The following TMEM132C variants were observed in gnomAD, a reference collection of about 807,000 sequenced individuals.
TMEM132C encodes protein phosphatase 1, regulatory subunit 152.
A neutral mutation model predicts 61.4 loss-of-function variants in TMEM132C; 29 were observed. The ratio of observed to expected loss-of-function variants is 0.47; its 90% CI spans 0.35 to 0.64. The LOEUF (loss-of-function observed/expected upper bound fraction) is 0.64. Ranked by LOEUF, TMEM132C falls within the 30% of genes least tolerant of loss-of-function variation. TMEM132C has a pLI of 0.00. For synonymous variants in TMEM132C, 656 were observed against 633.1 expected (o/e 1.04, Z -0.54); for missense variants, 1,408 against 1,476.9 (o/e 0.95, Z 0.76).
At chr12:128,589,877 T>G (rs956440916) in intron 3 of TMEM132C, among the ~76,000 whole-genome samples, 1 of 152,192 alleles carries the variant, frequency 6.6e-6, no homozygotes, top group African/African-American at 2.4e-5. Flanking sequence ...GGGGTTATTA[T>G]GAGTACTAAA....
chr12:128,585,111 G>A (rs982653367), intron 3 of TMEM132C, among the ~76,000 whole-genome samples: 4 of 152,204 alleles, frequency 2.6e-5, no homozygotes, highest in East Asian at 1.9e-4. Context: ...ACTTGCAGCC[G>A]TGAAACGTCT....
rs533256890 is a variant in TMEM132C, at chr12:128,486,722, C to T, written c.975-57235C>T. Among the ~76,000 whole-genome samples, 4 of 152,244 alleles carry T rather than the reference C, an allele frequency of 2.6e-5. No individual in the cohort carries two copies. In the East Asian group the frequency reaches 7.7e-4, roughly 29 times the overall value. On this transcript the variant is annotated intron_variant, in intron 2 of 8. Transcript: ENST00000435159. ...GATTTTGACAGGCATAGCCTCTCAG[C>T]GCTTGGGCAGTCCGGGGAAGTTCTG...
At chr12:128,325,847 G>C (rs987799255) in intron 1 of TMEM132C, among the ~76,000 whole-genome samples, 10 of 152,142 alleles carry the variant, frequency 6.6e-5, no homozygotes, top group African/African-American at 2.4e-4. Flanking sequence ...GAGGATTTCA[G>C]TGACCTGAGG....
intron 1 of TMEM132C, among the ~76,000 whole-genome samples, chr12:128,366,429 C>T (rs1873874488): frequency 6.6e-6 from 1 of 152,172 alleles, no homozygotes; most frequent in African/African-American, 2.4e-5. Flanking sequence ...GAGCATGCAG[C>T]CACCCTTAAT....
At position 128,330,341 on chromosome 12, in the gene TMEM132C, G is replaced by T. The variant is rs554298544; in HGVS notation, c.85+62854G>T. Among the ~76,000 whole-genome samples the T allele has an allele frequency of 3.9e-5, 6 of 152,242 alleles. No individual in the cohort carries two copies. The East Asian group carries it at 1.2e-3, about 29-fold the overall frequency. On this transcript the variant is annotated intron_variant, in intron 1 of 8. Transcript: ENST00000435159. ...AATCTGGTGGTGATTCCTCTCTGCT[G>T]TGTGATCCCCATAACCAACCTCGAA...
At chr12:128,276,755 T>C (rs11608284) in intron 1 of TMEM132C, among the ~76,000 whole-genome samples, 46,656 of 152,110 alleles carry the variant, frequency 0.31, 7,714 homozygotes, top group Middle Eastern at 0.39. Context: ...GTGGATCAAA[T>C]GCTGGCCACT....
intron 3 of TMEM132C, among the ~76,000 whole-genome samples, chr12:128,579,881 T>G (rs1025945535): frequency 5.9e-5 from 9 of 152,204 alleles, no homozygotes; most frequent in African/African-American, 1.7e-4. Context: ...GTGGGCTGTA[T>G]GTGGTCAAGA....
chr12:128,705,041 G>T, intron 8 of TMEM132C, 49 bp from the exon 9 acceptor site: 1 of 1,466,088 alleles, frequency 6.8e-7, no homozygotes. Flanking sequence ...GGGTTTCTAA[G>T]GGAAAAGGCA....
chr12:128,623,701 G>A (rs367792509), intron 4 of TMEM132C, among the ~76,000 whole-genome samples: 15 of 152,066 alleles, frequency 9.9e-5, no homozygotes, highest in African/African-American at 2.7e-4. Context: ...TCAGCTACTC[G>A]GGAGGCTGAG....
chr12:128,395,043 A>G (rs1206917588), intron 1 of TMEM132C, among the ~76,000 whole-genome samples: 1 of 151,954 alleles, frequency 6.6e-6, no homozygotes, highest in Non-Finnish European at 1.5e-5. Context: ...ACATTTATGT[A>G]TATGTGTGAG....
chr12:128,531,512 G>C (rs1277808977), intron 2 of TMEM132C, among the ~76,000 whole-genome samples: 1 of 152,230 alleles, frequency 6.6e-6, no homozygotes, highest in Non-Finnish European at 1.5e-5. Context: ...AGGGAAGAGA[G>C]CTGGGTTTCC....
intron 1 of TMEM132C, among the ~76,000 whole-genome samples, chr12:128,311,416 A>C (rs1871959417): frequency 6.6e-6 from 1 of 152,228 alleles, no homozygotes; most frequent in Non-Finnish European, 1.5e-5. Context: ...AGTGTACGCC[A>C]CAGGGGACTG....
intron 1 of TMEM132C, among the ~76,000 whole-genome samples, chr12:128,313,426 C>T (rs1335681136): frequency 2.0e-5 from 3 of 152,190 alleles, no homozygotes; most frequent in Non-Finnish European, 4.4e-5. Context: ...CACGCCACCA[C>T]CCTGAGGCAG....
intron 2 of TMEM132C, among the ~76,000 whole-genome samples, chr12:128,429,210 G>A (rs1419125408): frequency 2.0e-5 from 3 of 152,162 alleles, no homozygotes; most frequent in African/African-American, 4.8e-5. Context: ...CAAAATTGGC[G>A]AGGGAGGTGC....
chr12:128,626,438 C>CATTTTTATTTTTATTTTTAT (rs1954017461), intron 4 of TMEM132C, among the ~76,000 whole-genome samples: 2 of 113,770 alleles, frequency 1.8e-5, no homozygotes, highest in Non-Finnish European at 3.4e-5. Context: ...CTGTGCTGAA[C>CATTTTTATTTTTATTTTTAT]ATTTTTATTT....
intron 2 of TMEM132C, among the ~76,000 whole-genome samples, chr12:128,518,724 GTGTGTGTGCA>G (rs1442435035): frequency 1.1e-4 from 16 of 152,208 alleles, no homozygotes; most frequent in Admixed American, 7.9e-4. Flanking sequence ...GTGAATGTGT[GTGTGTGTGCA>G]TGTGTGTGCG....
Position 128,705,305 on chromosome 12 carries a change from C to T in TMEM132C, c.2337C>T (p.Cys779=), listed in dbSNP as rs7959567. 0.054 allele frequency: 83,537 copies of T among 1,551,156 alleles called. 2,999 individuals are homozygous for T. Among genetic ancestry groups the T allele is most frequent in the African/African-American group, 0.17 (12,414 of 73,122 alleles). Residue 779 remains cysteine, a synonymous_variant, in exon 9 of 9, where the codon TGC becomes TGT. Transcript: ENST00000435159. The part of the protein sequence containing the change: ...IRVDMTIAEA[C]QKSKRKSILA... Reference sequence around the variant, plus strand: ...TGGACATGACGATCGCCGAGGCCTGCCAGAAATCTAAACGCAAGAGCATCC... The same window carrying T: ...TGGACATGACGATCGCCGAGGCCTGTCAGAAATCTAAACGCAAGAGCATCC...
intron 1 of TMEM132C, among the ~76,000 whole-genome samples, chr12:128,268,770 C>G (rs1419412098): frequency 6.6e-6 from 1 of 151,828 alleles, no homozygotes; most frequent in Non-Finnish European, 1.5e-5. Flanking sequence ...CCAGAAAAAT[C>G]TACTTTCCTT....
At chr12:128,443,784 A>C (rs572981693) in intron 2 of TMEM132C, among the ~76,000 whole-genome samples, 1 of 152,252 alleles carries the variant, frequency 6.6e-6, no homozygotes, top group South Asian at 2.1e-4. Context: ...GCTCATTCCT[A>C]CCTGGGGGCC....
Sources: gnomAD v4.1 joint callset for allele counts (sites outside exome capture counted in the v4.1 genomes callset) on GRCh38, gnomAD v4.1.1 for gene constraint, MANE v1.5 for transcripts, NCBI Gene and HGNC (gene_info 2026-07-23, HGNC 2026-07-21) for gene names.